CCSER1: variants seen among roughly 807,000 people sequenced by gnomAD.
The protein encoded by CCSER1 is coiled-coil serine rich protein 1, also known as serine-rich coiled-coil domain-containing protein 1.
CCSER1 carries 41 observed loss-of-function variants against 82.0 expected under a neutral mutation model. That is an observed-to-expected ratio of 0.50 (90% CI 0.39 to 0.65). The LOEUF is 0.65. CCSER1 is among the 30% of genes least tolerant of loss of function. The pLI is 0.00. For missense variants in CCSER1, 1,119 were observed against 1,064.2 expected, an observed-to-expected ratio of 1.05 and a Z score of -0.72; for synonymous variants, 414 against 383.9, an observed-to-expected ratio of 1.08 and a Z score of -0.92.
At chr4:91,345,607 G>C (rs573807409) in intron 10 of CCSER1, among the ~76,000 whole-genome samples, 31 of 151,982 alleles carry the variant, frequency 2.0e-4, no homozygotes, top group Non-Finnish European at 4.1e-4. Context: ...ATGCCCCACT[G>C]TTTCCCTGAT....
chr4:90,682,947 A>T (rs1734160492), intron 6 of CCSER1: 2 of 152,124 alleles, frequency 1.3e-5, no homozygotes, highest in African/African-American at 4.8e-5. Context: ...ATGGCAATAA[A>T]TGACTGCATT....
At chr4:90,998,441 T>A (rs553769525) in intron 9 of CCSER1, among the ~76,000 whole-genome samples, 11 of 152,088 alleles carry the variant, frequency 7.2e-5, no homozygotes, top group Middle Eastern at 3.4e-3. Context: ...CAAAAAAAAA[T>A]TTTACACAAC....
At chr4:90,998,758 G>C (rs114850780) in intron 9 of CCSER1, among the ~76,000 whole-genome samples, 3,264 of 151,438 alleles carry the variant, frequency 0.022, 110 homozygotes, top group African/African-American at 0.075. Flanking sequence ...GATTATGAGA[G>C]TACATATGCA....
At chr4:90,694,488 A>G (rs1257018628) in intron 6 of CCSER1, among the ~76,000 whole-genome samples, 1 of 152,030 alleles carries the variant, frequency 6.6e-6, no homozygotes, top group Non-Finnish European at 1.5e-5. Context: ...GATTGGGAGA[A>G]AAAGTCAATG....
At chr4:90,442,921 C>G (rs1760110233) in intron 4 of CCSER1, among the ~76,000 whole-genome samples, 1 of 152,044 alleles carries the variant, frequency 6.6e-6, no homozygotes. Flanking sequence ...TACCCAAATA[C>G]AGTAATAGCC....
intron 10 of CCSER1, among the ~76,000 whole-genome samples, chr4:91,518,605 G>T (rs1760278870): frequency 1.3e-5 from 2 of 152,172 alleles, no homozygotes; most frequent in Admixed American, 6.5e-5. Context: ...GGGTCTGTTT[G>T]TTGGGTGTTG....
intron 7 of CCSER1, among the ~76,000 whole-genome samples, chr4:90,747,586 C>A (rs952644409): frequency 6.6e-6 from 1 of 151,540 alleles, no homozygotes; most frequent in African/African-American, 2.4e-5. Context: ...AGGATATTCT[C>A]TTTCTCGGTT....
chr4:90,971,989 T>A (rs1735155745), intron 9 of CCSER1, among the ~76,000 whole-genome samples: 1 of 151,894 alleles, frequency 6.6e-6, no homozygotes, highest in Non-Finnish European at 1.5e-5. Context: ...AGAAAGAATG[T>A]ACCTCAACAT....
intron 6 of CCSER1, among the ~76,000 whole-genome samples, chr4:90,669,185 A>G (rs1732341906): frequency 6.6e-6 from 1 of 152,080 alleles, no homozygotes; most frequent in African/African-American, 2.4e-5. Context: ...GGAAATGACT[A>G]AAGGTATAAT....
intron 5 of CCSER1, among the ~76,000 whole-genome samples, chr4:90,509,084 G>A (rs759157124): frequency 8.6e-5 from 13 of 151,966 alleles, no homozygotes; most frequent in African/African-American, 2.7e-4. Context: ...GGTGGAAATC[G>A]CAATCATAGA....
At chr4:91,482,899 A>G (rs1758016192) in intron 10 of CCSER1, among the ~76,000 whole-genome samples, 1 of 152,002 alleles carries the variant, frequency 6.6e-6, no homozygotes, top group South Asian at 2.1e-4. Flanking sequence ...AACAATGAGA[A>G]CACTTGGACA....
chr4:90,362,031 A>G (rs1333800353), intron 3 of CCSER1, among the ~76,000 whole-genome samples: 2 of 152,324 alleles, frequency 1.3e-5, no homozygotes, highest in Non-Finnish European at 2.9e-5. Flanking sequence ...ACGTTAAAAG[A>G]TTCTGAGTCT....
chr4:91,475,970 G>T (rs935705713), intron 10 of CCSER1, among the ~76,000 whole-genome samples: 1 of 151,622 alleles, frequency 6.6e-6, no homozygotes, highest in Admixed American at 6.6e-5. Flanking sequence ...CAAATGACAG[G>T]ATTTCATTCT....
chr4:90,319,726 C>T (rs1010417145), intron 3 of CCSER1, among the ~76,000 whole-genome samples: 1 of 152,090 alleles, frequency 6.6e-6, no homozygotes, highest in Admixed American at 6.6e-5. Flanking sequence ...TGAGACTTTC[C>T]AGTATGTAAA....
intron 9 of CCSER1, among the ~76,000 whole-genome samples, chr4:91,044,269 A>G (rs1278269769): frequency 6.6e-6 from 1 of 152,216 alleles, no homozygotes; most frequent in African/African-American, 2.4e-5. Flanking sequence ...GCTACAATTC[A>G]AAGATATACA....
intron 9 of CCSER1, among the ~76,000 whole-genome samples, chr4:91,085,225 T>G (rs1196915640): frequency 6.6e-6 from 1 of 152,072 alleles, no homozygotes; most frequent in Non-Finnish European, 1.5e-5. Context: ...AGATAAATAC[T>G]TTGACTTTAA....
intron 5 of CCSER1, among the ~76,000 whole-genome samples, chr4:90,519,130 G>A (rs926385229): frequency 5.3e-5 from 8 of 151,370 alleles, no homozygotes; most frequent in African/African-American, 9.7e-5. Flanking sequence ...TTTAACTTTC[G>A]CCATAACTTC....
intron 9 of CCSER1, among the ~76,000 whole-genome samples, chr4:90,970,327 C>T (rs1395375132): frequency 1.3e-5 from 2 of 151,608 alleles, no homozygotes; most frequent in Admixed American, 6.6e-5. Context: ...ACAAAACGAA[C>T]ATCAAGTGAG....
At chr4:90,872,189 T>C (rs1766611355) in intron 8 of CCSER1, among the ~76,000 whole-genome samples, 1 of 151,826 alleles carries the variant, frequency 6.6e-6, no homozygotes, top group Non-Finnish European at 1.5e-5. Flanking sequence ...AGTAATGATT[T>C]ACTACTGCCA....
Sources: gnomAD v4.1 joint callset for allele counts (sites outside exome capture counted in the v4.1 genomes callset) on GRCh38, gnomAD v4.1.1 for gene constraint, MANE v1.5 for transcripts, NCBI Gene and HGNC (gene_info 2026-07-23, HGNC 2026-07-21) for gene names.